Variants in BICC1 observed in about 807,000 individuals in gnomAD.
BICC1 encodes the protein BicC family RNA binding protein 1.
BICC1 carries 43 observed loss-of-function variants against 111.0 expected under a neutral mutation model. That is an observed-to-expected ratio of 0.39 (90% CI 0.30 to 0.50). BICC1 has a LOEUF of 0.50. BICC1 is among the 20% of genes least tolerant of loss of function. The pLI, the probability that BICC1 is intolerant of heterozygous loss-of-function variation, is 0.88. For synonymous variants in BICC1, 467 were observed against 434.4 expected, an observed-to-expected ratio of 1.07 and a Z score of -0.93; for missense variants, 1,091 against 1,203.2, an observed-to-expected ratio of 0.91 and a Z score of 1.38.
intron 2 of BICC1, among the ~76,000 whole-genome samples, chr10:58,680,851 G>C (rs1236282977): frequency 3.3e-5 from 5 of 152,120 alleles, no homozygotes; most frequent in Admixed American, 1.3e-4. Flanking sequence ...CAGAACAGAG[G>C]CCTCTGAAAT....
intron 1 of BICC1, among the ~76,000 whole-genome samples, chr10:58,552,596 A>C (rs1158487084): frequency 6.6e-6 from 1 of 152,098 alleles, no homozygotes; most frequent in Non-Finnish European, 1.5e-5. Flanking sequence ...CGGCGTCCCA[A>C]AGTTCTGGGA....
At chr10:58,659,610 C>A (rs906044763) in intron 2 of BICC1, among the ~76,000 whole-genome samples, 26 of 152,046 alleles carry the variant, frequency 1.7e-4, no homozygotes, top group African/African-American at 5.8e-4. Context: ...TAATTGGATT[C>A]TATGCTTATT....
intron 1 of BICC1, among the ~76,000 whole-genome samples, chr10:58,558,256 C>T (rs1188038024): frequency 2.0e-5 from 3 of 152,104 alleles, no homozygotes; most frequent in African/African-American, 4.8e-5. Context: ...GCTGCACACT[C>T]AAGGAGTAAG....
chr10:58,536,561 A>G (rs1842831447), intron 1 of BICC1, among the ~76,000 whole-genome samples: 3 of 151,822 alleles, frequency 2.0e-5, no homozygotes, highest in Admixed American at 2.0e-4. Flanking sequence ...GGACACAGCA[A>G]AAGCAGTGTT....
intron 1 of BICC1, among the ~76,000 whole-genome samples, chr10:58,605,393 G>A (rs1010418372): frequency 1.3e-5 from 2 of 152,008 alleles, no homozygotes; most frequent in African/African-American, 4.8e-5. Context: ...ATTACCTTTA[G>A]CCATTGTCTG....
At chr10:58,807,224 C>T in intron 17 of BICC1, 66 bp downstream of exon 17, 1 of 1,469,618 alleles carries the variant, frequency 6.8e-7, no homozygotes, top group Non-Finnish European at 9.2e-7. Context: ...ACAGTCCTTC[C>T]CCCACCCTCA....
intron 1 of BICC1, among the ~76,000 whole-genome samples, chr10:58,549,638 T>G (rs939719008): frequency 2.0e-5 from 3 of 152,038 alleles, no homozygotes; most frequent in Non-Finnish European, 4.4e-5. Flanking sequence ...TGGCCCTTTT[T>G]TTTGTTGTTG....
intron 3 of BICC1, among the ~76,000 whole-genome samples, chr10:58,761,812 G>A (rs1467769838): frequency 6.6e-6 from 1 of 152,108 alleles, no homozygotes; most frequent in Non-Finnish European, 1.5e-5. Flanking sequence ...AAGTGCCTAC[G>A]TCATCCTTTC....
intron 3 of BICC1, among the ~76,000 whole-genome samples, chr10:58,726,690 T>G (rs1284340849): frequency 1.3e-5 from 2 of 152,258 alleles, no homozygotes; most frequent in Non-Finnish European, 2.9e-5. Flanking sequence ...ACTTACATAC[T>G]GAAAAGAAAT....
chr10:58,732,140 G>T (rs1841318327), intron 3 of BICC1, among the ~76,000 whole-genome samples: 1 of 151,750 alleles, frequency 6.6e-6, no homozygotes, highest in African/African-American at 2.4e-5. Flanking sequence ...TTTAATGTGA[G>T]AGGTGTGTGA....
intron 3 of BICC1, among the ~76,000 whole-genome samples, chr10:58,763,992 G>T (rs1164322820): frequency 6.6e-6 from 1 of 152,128 alleles, no homozygotes; most frequent in Non-Finnish European, 1.5e-5. Context: ...AGACTCACAG[G>T]CATGGAATTG....
chr10:58,551,243 A>G (rs750938690), intron 1 of BICC1, among the ~76,000 whole-genome samples: 2 of 152,198 alleles, frequency 1.3e-5, no homozygotes, highest in Non-Finnish European at 2.9e-5. Context: ...TTAATGAAAT[A>G]TGAGGTCTCA....
At chr10:58,761,506 A>G (rs1429552370) in intron 3 of BICC1, among the ~76,000 whole-genome samples, 2 of 152,136 alleles carry the variant, frequency 1.3e-5, no homozygotes, top group Non-Finnish European at 2.9e-5. Flanking sequence ...ATTTATGTTA[A>G]TTAGCTTTAT....
At chr10:58,720,613 A>C (rs1013680370) in intron 3 of BICC1, among the ~76,000 whole-genome samples, 1 of 152,150 alleles carries the variant, frequency 6.6e-6, no homozygotes, top group Non-Finnish European at 1.5e-5. Flanking sequence ...GTGTTACAGG[A>C]AGAGAGGAGA....
chr10:58,554,609 A>G (rs1425341774), intron 1 of BICC1, among the ~76,000 whole-genome samples: 2 of 152,102 alleles, frequency 1.3e-5, no homozygotes, highest in African/African-American at 4.8e-5. Flanking sequence ...GAAGGTGCAA[A>G]CATCAGAAAA....
At chr10:58,608,596 G>A (rs1845311252) in intron 1 of BICC1, among the ~76,000 whole-genome samples, 2 of 152,138 alleles carry the variant, frequency 1.3e-5, no homozygotes, top group African/African-American at 4.8e-5. Context: ...CTTCTGTAAT[G>A]TTTTAGTCTT....
At chr10:58,764,975 C>G (rs961056057) in intron 3 of BICC1, among the ~76,000 whole-genome samples, 1 of 152,118 alleles carries the variant, frequency 6.6e-6, no homozygotes, top group African/African-American at 2.4e-5. Flanking sequence ...TTCTTTTCCT[C>G]TTTTGGGTTA....
intron 3 of BICC1, among the ~76,000 whole-genome samples, chr10:58,774,276 A>T (rs1842693323): frequency 6.6e-6 from 1 of 152,242 alleles, no homozygotes; most frequent in Non-Finnish European, 1.5e-5. Flanking sequence ...ACAGAGTTGT[A>T]GAGAAGAAAG....
rs551041035 is a variant in BICC1 at position 58,609,472 on chromosome 10, T to C, written c.191-11383T>C. 4.3e-4 allele frequency among the ~76,000 whole-genome samples: 65 copies of C among 152,342 alleles called. 1 individual carries two copies. The South Asian group carries it at 9.3e-3, about 22-fold the overall frequency. On this transcript the variant is annotated intron_variant, in intron 1 of 20. Coordinates refer to ENST00000373886, the MANE Select transcript of BICC1 (RefSeq NM_001080512.3). ...ATAGCGGTGCTGTACAATGGAAATA[T>C]GTGAACCACAAATGTAATTTTATGT...
Sources: gnomAD v4.1 joint callset for allele counts (sites outside exome capture counted in the v4.1 genomes callset) on GRCh38, gnomAD v4.1.1 for gene constraint, MANE v1.5 for transcripts, NCBI Gene and HGNC (gene_info 2026-07-23, HGNC 2026-07-21) for gene names.